RAPH1: variants seen among roughly 807,000 people sequenced by gnomAD.
RAPH1 encodes ras-associated and pleckstrin homology domains-containing protein 1.
In RAPH1, 18 loss-of-function variants were observed where a neutral mutation model predicts 88.1. The ratio of observed to expected loss-of-function variants is 0.20; its 90% CI spans 0.14 to 0.30. The LOEUF (loss-of-function observed/expected upper bound fraction) is 0.30, where lower values mean the gene tolerates loss of function less well. Among genes scored for constraint, RAPH1 ranks in the 10% least tolerant of loss-of-function variants. RAPH1 has a pLI of 1.00. For missense variants in RAPH1, 1,448 were observed against 1,543.2 expected, an observed-to-expected ratio of 0.94 and a Z score of 1.03; for synonymous variants, 587 against 559.0, an observed-to-expected ratio of 1.05 and a Z score of -0.71.
At chr2:203,506,506 C>A (rs906120934) in intron 1 of RAPH1, among the ~76,000 whole-genome samples, 3 of 150,270 alleles carry the variant, frequency 2.0e-5, no homozygotes, top group Non-Finnish European at 4.4e-5. Context: ...GGCAACAGAG[C>A]GAGACTCCGT....
chr2:203,459,777 C>G, intron 7 of RAPH1, 130 bp downstream of exon 7: 1 of 901,676 alleles, frequency 1.1e-6, no homozygotes, highest in East Asian at 2.5e-5. Flanking sequence ...AGATGATGCT[C>G]CTATAGGATT....
intron 4 of RAPH1, among the ~76,000 whole-genome samples, chr2:203,476,171 GTTTT>G (rs1687434736): frequency 6.6e-6 from 1 of 151,896 alleles, no homozygotes; most frequent in African/African-American, 2.4e-5. Context: ...TGTTGTTTTT[GTTTT>G]TTTAAGTCTT....
chr2:203,510,683 T>A (rs886116118), intron 1 of RAPH1, among the ~76,000 whole-genome samples: 8 of 151,972 alleles, frequency 5.3e-5, no homozygotes, highest in African/African-American at 1.9e-4. Context: ...GTCTGGGAAC[T>A]GTGACAGCAC....
At position 203,439,815 on chromosome 2, in the gene RAPH1, G is replaced by C. The variant is rs768634757; in HGVS notation, c.3375C>G (p.Pro1125=). The change falls in exon 14 of 14, where the codon CCC becomes CCG. Residue 1125 remains proline, a synonymous_variant. Coordinates refer to ENST00000319170, the MANE Select transcript of RAPH1 (RefSeq NM_213589.3). ...SVKKAPPPTR[P]KRNDSTRLTQ... is the part of the protein sequence containing the mutation. The stretch of plus-strand genomic sequence containing the variant: ...TGAGGCGGGTGCTATCATTCCGTTT[G>C]GGTCGTGTGGGTGGAGGGGCCTTCT... 29 of 1,613,980 alleles carry C rather than the reference G, an allele frequency of 1.8e-5. No individual in the cohort carries two copies. Among genetic ancestry groups the C allele is most frequent in the Middle Eastern group, 1.6e-4 (1 of 6,084 alleles).
chr2:203,489,585 T>A lies in RAPH1; in HGVS notation c.731A>T (p.Glu244Val). 6.7e-7 allele frequency: 1 copy of A among 1,488,352 alleles called. No individual in the cohort carries two copies. The highest frequency in any genetic ancestry group is 9.0e-7 in the Non-Finnish European group (1 of 1,109,418). 92.2% of individuals were successfully genotyped at this position (1,488,352 alleles called of 1,614,324 possible). A position where few individuals can be genotyped will look rare whatever the true frequency, so the allele number is the denominator to read the frequency against. ...AGGGAAAAAGTTCCATTTATTTACC[T>A]CAGTAATTGGCTGCCCTTGATGTGT... ...DLTHQGQPITEEEQAAKLKAE... is the reference protein window; with the variant it reads ...DLTHQGQPITVEEQAAKLKAE... The change falls in exon 4 of 14, where the codon GAG becomes GTG. Residue 244 changes from glutamate to valine, a missense_variant and splice_region_variant. By Grantham distance (121) the Glu-to-Val change is moderately radical (BLOSUM62 -2). Around this residue, in one of 2 missense-constraint regions of RAPH1, gnomAD observed 513 missense variants for 653.1 expected, o/e 0.79. Coordinates refer to ENST00000319170, the MANE Select transcript of RAPH1 (RefSeq NM_213589.3).
chr2:203,490,236 A>G, intron 3 of RAPH1, 147 bp from the exon 4 acceptor site: 1 of 807,830 alleles, frequency 1.2e-6, no homozygotes. Flanking sequence ...TTTAAATTCC[A>G]AGATAAATTT....
Position 203,502,650 on chromosome 2 carries a change from C to G in RAPH1, c.1-7297G>C, listed in dbSNP as rs190564337. Among the ~76,000 whole-genome samples the G allele has an allele frequency of 3.4e-3, 503 of 147,858 alleles. 3 individuals carry two copies. The highest frequency in any genetic ancestry group is 0.012 in the African/African-American group (474 of 39,790). On this transcript the variant is annotated intron_variant, in intron 1 of 13. Transcript: ENST00000319170. ...TCCTGGCTAACACGGTGAAACCCCG[C>G]CTCTACTAAAAATACAAAAATTAGC... is the stretch of plus-strand genomic sequence containing the variant.
intron 1 of RAPH1, among the ~76,000 whole-genome samples, chr2:203,498,714 A>G (rs1318783379): frequency 6.6e-6 from 1 of 151,994 alleles, no homozygotes; most frequent in Non-Finnish European, 1.5e-5. Context: ...AACTGCCCAT[A>G]AAAAAAATGC....
chr2:203,502,771 G>A (rs1688793763), intron 1 of RAPH1, among the ~76,000 whole-genome samples: 1 of 148,806 alleles, frequency 6.7e-6, no homozygotes. Flanking sequence ...AGTGAGCCGA[G>A]ATCTCGCCAC....
rs149156156 is a variant in RAPH1 at position 203,443,985 on chromosome 2, C to T, written c.1776+883G>A. On this transcript the variant is annotated intron_variant, in intron 13 of 13. Coordinates refer to ENST00000319170, the MANE Select transcript of RAPH1 (RefSeq NM_213589.3). ...CACCACTGCATTCCAGCCTGGGTGA[C>T]GGGAAAGGGAGAGGGAGAGGGAGAG... 280 of 124,084 alleles carry T rather than the reference C, an allele frequency of 2.3e-3. 7 individuals are homozygous for T. Among genetic ancestry groups the T allele is most frequent in the Middle Eastern group, 9.8e-3 (2 of 204 alleles). 7.7% of individuals were successfully genotyped at this position (124,084 alleles called of 1,614,324 possible).
intron 4 of RAPH1, among the ~76,000 whole-genome samples, chr2:203,477,974 C>G (rs1687539485): frequency 6.6e-6 from 1 of 152,138 alleles, no homozygotes; most frequent in East Asian, 1.9e-4. Context: ...TTCCCTAAAG[C>G]CTTCATCCTT....
intron 1 of RAPH1, among the ~76,000 whole-genome samples, chr2:203,529,005 A>ATATATATATTTTT (rs1553633903): frequency 2.4e-5 from 1 of 41,150 alleles, no homozygotes; most frequent in African/African-American, 1.2e-4. Flanking sequence ...ATATATATAT[A>ATATATATATTTTT]TTTTTTTTTT....
At chr2:203,503,616 A>C (rs985035308) in intron 1 of RAPH1, among the ~76,000 whole-genome samples, 1 of 152,104 alleles carries the variant, frequency 6.6e-6, no homozygotes, top group African/African-American at 2.4e-5. Flanking sequence ...TGGCCCCTCC[A>C]AATCTCATGT....
intron 1 of RAPH1, among the ~76,000 whole-genome samples, chr2:203,498,582 C>T (rs11691218): frequency 0.042 from 6,329 of 152,202 alleles, 178 homozygotes; most frequent in Non-Finnish European, 0.065. Context: ...CAAACAACAC[C>T]TCCGATTTCA....
intron 1 of RAPH1, among the ~76,000 whole-genome samples, chr2:203,497,643 T>C (rs113471456): frequency 2.2e-4 from 34 of 152,276 alleles, no homozygotes; most frequent in African/African-American, 7.7e-4. Flanking sequence ...CTAATAAATA[T>C]ATCTCTAATA....
At position 203,438,079 on chromosome 2, in the gene RAPH1, C is replaced by A. The variant is rs2098499911; in HGVS notation, c.*1358G>T. On this transcript the variant is annotated 3_prime_UTR_variant, in exon 14 of 14. Coordinates refer to ENST00000319170, the MANE Select transcript of RAPH1 (RefSeq NM_213589.3). ...TGACTCCACGTTATACCAAACTGCA[C>A]ACGCATAAAACGTAATGTCAGTTAC... 1 of 508,384 alleles carries A rather than the reference C, an allele frequency of 2.0e-6. No homozygotes were observed. The highest frequency in any genetic ancestry group is 1.9e-5 in the African/African-American group (1 of 51,794). 31.5% of individuals were successfully genotyped at this position (508,384 alleles called of 1,614,324 possible).
chr2:203,460,855 G>T (rs1244978256), intron 6 of RAPH1, among the ~76,000 whole-genome samples: 3 of 152,016 alleles, frequency 2.0e-5, no homozygotes, highest in African/African-American at 7.2e-5. Context: ...GGTGGTTCAC[G>T]CCTGTAATCC....
intron 10 of RAPH1, among the ~76,000 whole-genome samples, chr2:203,454,062 G>A (rs1187540714): frequency 6.6e-6 from 1 of 152,140 alleles, no homozygotes; most frequent in East Asian, 1.9e-4. Flanking sequence ...CCCTCTGATG[G>A]TTTGCTGAGT....
rs984256485 is a variant in RAPH1, at chr2:203,434,625, A to G, written c.*4812T>C. 1 of 152,182 alleles carries G rather than the reference A, an allele frequency of 6.6e-6. No individual in the cohort carries two copies. The highest frequency in any genetic ancestry group is 2.4e-5 in the African/African-American group (1 of 41,292). The allele number at this position is 152,182 out of a possible 1,614,324, so 9.4% of individuals were successfully genotyped here. A position where few individuals can be genotyped will look rare whatever the true frequency, so the allele number is the denominator to read the frequency against. On this transcript the variant is annotated 3_prime_UTR_variant, in exon 14 of 14. Coordinates refer to ENST00000319170, the MANE Select transcript of RAPH1 (RefSeq NM_213589.3). ...AATATGAAAAACGGCAGTTTTTGGT[A>G]TTAGGTTACAATAAATTTAACGAAT... is the stretch of plus-strand genomic sequence containing the variant.
Sources: gnomAD v4.1 joint callset for allele counts (sites outside exome capture counted in the v4.1 genomes callset) on GRCh38, gnomAD v4.1.1 for gene constraint, gnomAD v4.1.1 regional missense constraint, MANE v1.5 for transcripts, NCBI Gene and HGNC (gene_info 2026-07-23, HGNC 2026-07-21) for gene names.